GSN: variants seen among roughly 807,000 people sequenced by gnomAD.
GSN encodes gelsolin, also known as actin-depolymerizing factor.
In GSN, 56 loss-of-function variants were observed where a neutral mutation model predicts 85.7. That is an observed-to-expected ratio of 0.65 (90% CI 0.53 to 0.82). The LOEUF (loss-of-function observed/expected upper bound fraction) is 0.82. Ranked by LOEUF, GSN falls within the 40% of genes least tolerant of loss-of-function variation. GSN has a pLI of 0.00. For missense variants in GSN, 857 were observed against 979.8 expected (o/e 0.87, Z 1.67); for synonymous variants, 373 against 399.1 (o/e 0.93, Z 0.78).
chr9:121,267,995 G>C (rs1288796694), upstream of GSN: 1 of 152,200 alleles, frequency 6.6e-6, no homozygotes, highest in Non-Finnish European at 1.5e-5. Flanking sequence ...GAAGCGAGGG[G>C]TCCCCCTGGA....
chr9:121,252,196 G>A (rs755976881), intron 6 of GSN, among the ~76,000 whole-genome samples: 4 of 152,178 alleles, frequency 2.6e-5, no homozygotes, highest in Admixed American at 6.5e-5. Flanking sequence ...AAATGGGGAA[G>A]GTAGCATTTG....
At chr9:121,311,085 A>G (rs2061073600) in intron 5 of GSN, 6 of 564,086 alleles carry the variant, frequency 1.1e-5, no homozygotes, top group East Asian at 9.1e-5. Flanking sequence ...TTCTGTTCAT[A>G]TGTACGTCTT....
In GSN at chr9:121,286,578, G is replaced by A. The variant is rs535905244; in HGVS notation, c.-10+5016G>A. 7.1e-5 allele frequency: 105 copies of A among 1,477,614 alleles called. 1 individual carries two copies. The highest frequency in any genetic ancestry group is 4.8e-5 in the Non-Finnish European group (54 of 1,118,004). The allele number at this position is 1,477,614 out of a possible 1,614,324, so 91.5% of individuals were successfully genotyped here. ...CCTCCGTGGCTCTGTTGGGCCATGG[G>A]TGCTCCCTCCTTTGTGCTCCCAGGG... is the stretch of plus-strand genomic sequence containing the variant. On this transcript the variant is annotated intron_variant, in intron 2 of 17. Coordinates refer to ENST00000432226, the MANE Select transcript of GSN (RefSeq NM_198252.3).
At position 121,299,760 on chromosome 9, in the gene GSN, TG is replaced by T; in HGVS notation, c.-9-2197del. On this transcript the variant is annotated intron_variant, in intron 2 of 17. Coordinates refer to ENST00000432226, the MANE Select transcript of GSN (RefSeq NM_198252.3). This position sits in a 1 kb window ranked among gnomAD's most constrained non-coding sequence, Gnocchi z 4.2. ...ACAGATCCCCGCCCCGCGCCCTCCCTGGGGGGCGGTCCCCGGCTTGGGCGGG... is the reference window on the plus strand; with the variant it reads ...ACAGATCCCCGCCCCGCGCCCTCCCTGGGGGCGGTCCCCGGCTTGGGCGGG... 8 of 1,162,200 alleles carry T rather than the reference TG, an allele frequency of 6.9e-6. No individual in the cohort carries two copies. The highest frequency in any genetic ancestry group is 9.2e-5 in the Admixed American group (2 of 21,684). The allele number at this position is 1,162,200 out of a possible 1,614,324, so 72.0% of individuals were successfully genotyped here.
At chr9:121,232,026 C>T (rs2054399601) in intron 5 of GSN, among the ~76,000 whole-genome samples, 1 of 152,116 alleles carries the variant, frequency 6.6e-6, no homozygotes, top group South Asian at 2.1e-4. Context: ...GAGATTATGC[C>T]ACTGCACTCC....
At chr9:121,245,440 T>C (rs2054680678) in intron 5 of GSN, among the ~76,000 whole-genome samples, 1 of 152,232 alleles carries the variant, frequency 6.6e-6, no homozygotes, top group Non-Finnish European at 1.5e-5. Flanking sequence ...CACTGCAGCC[T>C]TGACCTCCTG....
At chr9:121,217,214 A>G (rs565375785) in intron 4 of GSN, among the ~76,000 whole-genome samples, 1 of 152,114 alleles carries the variant, frequency 6.6e-6, no homozygotes, top group Admixed American at 6.5e-5. Context: ...ATACAAAAAA[A>G]AATTAGCTGG....
At position 121,318,488 on chromosome 9, in the gene GSN, G is replaced by T; in HGVS notation, c.969G>T (p.Gln323His). The change falls in exon 9 of 18, where the codon CAG (glutamine) becomes CAT (histidine). Residue 323 changes from glutamine (Q) to histidine (H), a missense_variant. Gln to His is a conservative substitution (Grantham distance 24). Transcript: ENST00000432226. This position sits in a 1 kb window ranked among gnomAD's most constrained non-coding sequence, Gnocchi z 4.3. ...DFITKMDYPK[Q>H]TQVSVLPEGG... The stretch of plus-strand genomic sequence containing the variant: ...TCACCAAGATGGACTACCCCAAGCA[G>T]ACTCAGGTGAGTCTTGGAGGCCAGG... The T allele has an allele frequency of 1.2e-6, 2 of 1,612,692 alleles. No individual in the cohort carries two copies. The highest frequency in any genetic ancestry group is 2.2e-5 in the South Asian group (2 of 91,030).
At chr9:121,224,183 G>A (rs899638687) in intron 4 of GSN, among the ~76,000 whole-genome samples, 3 of 151,712 alleles carry the variant, frequency 2.0e-5, no homozygotes, top group African/African-American at 7.3e-5. Context: ...TGCAACCTCC[G>A]CCTCCCATGT....
chr9:121,216,329 A>G (rs928239671), intron 4 of GSN, among the ~76,000 whole-genome samples: 37 of 152,208 alleles, frequency 2.4e-4, no homozygotes, highest in African/African-American at 8.9e-4. Context: ...TCCCATGCTT[A>G]GTAACCCTCC....
intron 5 of GSN, 46 bp downstream of exon 5, chr9:121,310,891 G>A (rs935578729): frequency 1.9e-5 from 30 of 1,586,168 alleles, no homozygotes; most frequent in Non-Finnish European, 2.4e-5. Context: ...AGGTGCTCCT[G>A]GTCTGATCAG....
intron 2 of GSN, among the ~76,000 whole-genome samples, chr9:121,294,409 G>A (rs892136545): frequency 2.6e-5 from 4 of 152,164 alleles, no homozygotes; most frequent in African/African-American, 4.8e-5. Flanking sequence ...TGCTGAAGTG[G>A]GTCCTAGCAA....
chr9:121,298,026 C>T (rs3761856), intron 2 of GSN, among the ~76,000 whole-genome samples: 53,533 of 151,896 alleles, frequency 0.35, 11,785 homozygotes, highest in East Asian at 0.62. Flanking sequence ...GAATTTAGGC[C>T]AGAGCTGGCC....
intron 1 of GSN, among the ~76,000 whole-genome samples, chr9:121,274,310 A>G (rs1319265611): frequency 6.6e-6 from 1 of 151,972 alleles, no homozygotes; most frequent in Admixed American, 6.6e-5. Flanking sequence ...ACTCACTATT[A>G]TTCTATCTTT....
intron 6 of GSN, among the ~76,000 whole-genome samples, chr9:121,250,589 G>A (rs1220167275): frequency 6.6e-6 from 1 of 151,728 alleles, no homozygotes; most frequent in Non-Finnish European, 1.5e-5. Flanking sequence ...TCAGGCTGTA[G>A]TGCAGCTGTG....
rs750349804 is a variant in GSN, at chr9:121,332,390, C to T, written c.2027-44C>T. The T allele has an allele frequency of 8.9e-6, 14 of 1,581,818 alleles. No homozygotes were observed. The highest frequency in any genetic ancestry group is 1.2e-5 in the Non-Finnish European group (14 of 1,150,548). On this transcript the variant is annotated intron_variant, in intron 17 of 17. Transcript: ENST00000432226. The surrounding 1 kb of genome is among the most constrained non-coding windows in gnomAD (Gnocchi z 4.8). ...CACCCTCTCCCTGGTGTGGGAGGCA[C>T]TAAGAATTCCTGGGGTTTCCTTTTC...
intron 16 of GSN, among the ~76,000 whole-genome samples, chr9:121,330,614 C>T (rs1017397454): frequency 2.0e-5 from 3 of 152,138 alleles, no homozygotes; most frequent in Non-Finnish European, 4.4e-5. Flanking sequence ...ATTTTATTGT[C>T]TAATGCCATT....
At position 121,286,011 on chromosome 9, in the gene GSN, T is replaced by C. The variant is rs568777281; in HGVS notation, c.-10+4449T>C. 5.4e-6 allele frequency: 5 copies of C among 932,778 alleles called. No homozygotes were observed. In the South Asian group the frequency reaches 7.0e-5, roughly 13 times the overall value. 57.8% of individuals were successfully genotyped at this position (932,778 alleles called of 1,614,324 possible). A position where few individuals can be genotyped will look rare whatever the true frequency, so the allele number is the denominator to read the frequency against. On this transcript the variant is annotated intron_variant, in intron 2 of 17. Coordinates refer to ENST00000432226, the MANE Select transcript of GSN (RefSeq NM_198252.3). ...AGGAGAAGAACCATTTCCGGAACTGTGTGTGCCTGTGATGCCTGCGGAGTT... is the reference window on the plus strand; with the variant it reads ...AGGAGAAGAACCATTTCCGGAACTGCGTGTGCCTGTGATGCCTGCGGAGTT...
At chr9:121,219,943 G>A (rs1212488063) in intron 4 of GSN, among the ~76,000 whole-genome samples, 5 of 151,444 alleles carry the variant, frequency 3.3e-5, no homozygotes, top group Non-Finnish European at 5.9e-5. Context: ...GTGCAATGGC[G>A]CGATCTCAGC....
Sources: gnomAD v4.1 joint callset for allele counts (sites outside exome capture counted in the v4.1 genomes callset) on GRCh38, gnomAD v4.1.1 for gene constraint, Gnocchi (gnomAD v3.1) non-coding constraint, MANE v1.5 for transcripts, NCBI Gene and HGNC (gene_info 2026-07-23, HGNC 2026-07-21) for gene names.